The following BARX2 variants were observed in gnomAD, a reference collection of about 807,000 sequenced individuals.
BARX2 encodes homeobox protein BarH-like 2.
In BARX2, 11 loss-of-function variants were observed where a neutral mutation model predicts 25.5. That is an observed-to-expected ratio of 0.43 (90% CI 0.27 to 0.71). The LOEUF (loss-of-function observed/expected upper bound fraction) is 0.71. Ranked by LOEUF, BARX2 falls within the 30% of genes least tolerant of loss-of-function variation. The probability of loss-of-function intolerance (pLI) is 0.19; values close to 1 mark genes in which losing one functional copy is unlikely to be tolerated. For synonymous variants in BARX2, 137 were observed against 149.5 expected (o/e 0.92, Z 0.61); for missense variants, 360 against 359.9 (o/e 1.00, Z 0.00).
chr11:129,447,057 T>C (rs1862339351), intron 3 of BARX2, among the ~76,000 whole-genome samples: 1 of 152,210 alleles, frequency 6.6e-6, no homozygotes, highest in South Asian at 2.1e-4. Context: ...TTATGCTGAA[T>C]GCAATACTGC....
At chr11:129,441,426 T>G (rs1431008859) in intron 2 of BARX2, among the ~76,000 whole-genome samples, 1 of 152,182 alleles carries the variant, frequency 6.6e-6, no homozygotes, top group Non-Finnish European at 1.5e-5. Context: ...AATTCTGATA[T>G]TGTAGCACAG....
chr11:129,388,250 G>A (rs1161556191), intron 1 of BARX2, among the ~76,000 whole-genome samples: 3 of 152,104 alleles, frequency 2.0e-5, no homozygotes, highest in South Asian at 2.1e-4. Flanking sequence ...CATTTCCTGT[G>A]GTGATTGGGG....
chr11:129,400,654 A>G (rs982182849), intron 1 of BARX2, among the ~76,000 whole-genome samples: 1 of 152,220 alleles, frequency 6.6e-6, no homozygotes, highest in Non-Finnish European at 1.5e-5. Flanking sequence ...TTTAAGCAAG[A>G]GAATAACATA....
intron 1 of BARX2, among the ~76,000 whole-genome samples, chr11:129,412,023 A>C (rs903929599): frequency 1.3e-5 from 2 of 152,216 alleles, no homozygotes; most frequent in African/African-American, 4.8e-5. Context: ...CTGTAATCCC[A>C]GCACTTTGGG....
At chr11:129,397,271 C>A (rs1861729894) in intron 1 of BARX2, among the ~76,000 whole-genome samples, 1 of 146,222 alleles carries the variant, frequency 6.8e-6, no homozygotes. Context: ...TGGACAGAGA[C>A]CCTGTCTCCA....
chr11:129,414,096 AGCTCGGG>A (rs1591437542), intron 1 of BARX2, among the ~76,000 whole-genome samples: 2 of 151,842 alleles, frequency 1.3e-5, no homozygotes, highest in East Asian at 3.9e-4. Context: ...GGACAGTAAT[AGCTCGGG>A]GATTATTTAG....
At chr11:129,411,983 T>C (rs973901460) in intron 1 of BARX2, among the ~76,000 whole-genome samples, 1 of 151,958 alleles carries the variant, frequency 6.6e-6, no homozygotes, top group Non-Finnish European at 1.5e-5. Flanking sequence ...GCCAAAGAAG[T>C]AGTTTATGGC....
intron 1 of BARX2, among the ~76,000 whole-genome samples, chr11:129,422,248 C>T (rs1862012624): frequency 6.6e-6 from 1 of 152,188 alleles, no homozygotes; most frequent in Admixed American, 6.5e-5. Context: ...AGACCCTACG[C>T]TGGACAAGGA....
At chr11:129,450,592 G>C (rs1259979975) in intron 3 of BARX2, among the ~76,000 whole-genome samples, 1 of 152,156 alleles carries the variant, frequency 6.6e-6, no homozygotes, top group East Asian at 1.9e-4. Context: ...AACTTTTGCT[G>C]TTATAACCAA....
chr11:129,406,867 A>G (rs548139147), intron 1 of BARX2, among the ~76,000 whole-genome samples: 86 of 152,340 alleles, frequency 5.6e-4, no homozygotes, highest in African/African-American at 2.0e-3. Context: ...AACTGGTTTT[A>G]TAGGAATATT....
In BARX2 at chr11:129,436,764, G is replaced by A; in HGVS notation, c.201G>A (p.Leu67=). The change falls in exon 2 of 4, where the codon CTG becomes CTA. Residue 67 remains leucine, a synonymous_variant. Coordinates refer to ENST00000281437, the MANE Select transcript of BARX2 (RefSeq NM_003658.5). This position sits in a 1 kb window ranked among gnomAD's most constrained non-coding sequence, Gnocchi z 4.5. ...PLHSCTGSPS[L]RAYPLLSVIT... ...CTTGTTTTCCAGGCTCCCCTTCCCTGCGGGCATATCCGCTCCTCTCGGTGA... is the reference window on the plus strand; with the variant it reads ...CTTGTTTTCCAGGCTCCCCTTCCCTACGGGCATATCCGCTCCTCTCGGTGA... 1.3e-6 allele frequency: 2 copies of A among 1,581,542 alleles called. No homozygotes were observed. The highest frequency in any genetic ancestry group is 2.3e-5 in the South Asian group (2 of 88,172).
chr11:129,378,563 C>CTTTTTTTTTTTTTTTTT (rs56804728), intron 1 of BARX2, among the ~76,000 whole-genome samples: 212 of 111,136 alleles, frequency 1.9e-3, no homozygotes, highest in South Asian at 2.8e-3. Flanking sequence ...TTTTCTTTTT[C>CTTTTTTTTTTTTTTTTT]TTTTTTTTTT....
chr11:129,419,348 C>G (rs761136825), intron 1 of BARX2, among the ~76,000 whole-genome samples: 9 of 152,194 alleles, frequency 5.9e-5, no homozygotes, highest in Non-Finnish European at 2.9e-5. Flanking sequence ...GCTGTAGGAA[C>G]TTCACTCTTG....
intron 1 of BARX2, among the ~76,000 whole-genome samples, chr11:129,431,162 T>C (rs1862124999): frequency 2.6e-5 from 4 of 152,296 alleles, no homozygotes; most frequent in Non-Finnish European, 5.9e-5. Flanking sequence ...TTCTGAGTAG[T>C]ATTTCGTTGT....
At chr11:129,400,361 G>A (rs751986075) in intron 1 of BARX2, among the ~76,000 whole-genome samples, 1 of 152,168 alleles carries the variant, frequency 6.6e-6, no homozygotes, top group African/African-American at 2.4e-5. Context: ...AGCCCAGTCT[G>A]TAGGGGAGGC....
At chr11:129,430,655 C>T (rs1327228889) in intron 1 of BARX2, among the ~76,000 whole-genome samples, 1 of 152,154 alleles carries the variant, frequency 6.6e-6, no homozygotes, top group African/African-American at 2.4e-5. Flanking sequence ...CCTCCCCTGG[C>T]ATCTCCTCCA....
intron 1 of BARX2, among the ~76,000 whole-genome samples, chr11:129,423,921 C>T (rs974167938): frequency 6.6e-6 from 1 of 150,532 alleles, no homozygotes; most frequent in Non-Finnish European, 1.5e-5. Context: ...GTGCAGTTGG[C>T]TCACTGTAAC....
chr11:129,432,595 T>C (rs1185211512), intron 1 of BARX2, among the ~76,000 whole-genome samples: 1 of 152,194 alleles, frequency 6.6e-6, no homozygotes, highest in Non-Finnish European at 1.5e-5. Context: ...CATTTTATAC[T>C]CAATTTCTGG....
intron 1 of BARX2, among the ~76,000 whole-genome samples, chr11:129,400,173 C>T (rs1861761535): frequency 1.3e-5 from 2 of 152,196 alleles, no homozygotes; most frequent in Non-Finnish European, 2.9e-5. Context: ...TGAGTGCTTA[C>T]TTTTTGCCAG....
Sources: allele counts gnomAD v4.1 joint callset (sites outside exome capture counted in the v4.1 genomes callset), GRCh38; gene constraint gnomAD v4.1.1; non-coding constraint Gnocchi (gnomAD v3.1); transcripts MANE v1.5; gene names NCBI Gene and HGNC (gene_info 2026-07-23, HGNC 2026-07-21).